Variants in MYO6 observed in about 807,000 individuals in gnomAD.
MYO6 encodes the protein unconventional myosin-VI.
MYO6 carries 74 observed loss-of-function variants against 178.7 expected under a neutral mutation model. The observed-to-expected ratio is 0.41, with a 90% confidence interval of 0.34 to 0.50. MYO6 has a LOEUF of 0.50. Among genes scored for constraint, MYO6 ranks in the 20% least tolerant of loss-of-function variants. The probability of loss-of-function intolerance (pLI) is 0.09; values close to 1 mark genes in which losing one functional copy is unlikely to be tolerated. For missense variants in MYO6, 1,330 were observed against 1,547.4 expected, an observed-to-expected ratio of 0.86 and a Z score of 2.36; for synonymous variants, 477 against 504.6, an observed-to-expected ratio of 0.95 and a Z score of 0.73.
At chr6:75,907,729 A>C (rs376110240) in intron 31 of MYO6, 21 bp downstream of exon 31, 2 of 1,575,144 alleles carry the variant, frequency 1.3e-6, no homozygotes, top group Admixed American at 3.3e-5. Flanking sequence ...GGAGAAGATC[A>C]AAAATAGAAA....
intron 9 of MYO6, among the ~76,000 whole-genome samples, chr6:75,842,739 A>G (rs548041030): frequency 6.6e-6 from 1 of 152,332 alleles, no homozygotes; most frequent in African/African-American, 2.4e-5. Flanking sequence ...ATTACATGAA[A>G]TATAATAATG....
intron 5 of MYO6, among the ~76,000 whole-genome samples, chr6:75,831,805 G>A (rs150263789): frequency 1.3e-5 from 2 of 151,658 alleles, no homozygotes; most frequent in African/African-American, 4.8e-5. Flanking sequence ...TGGGAAGATC[G>A]CTTGAGCTCA....
intron 9 of MYO6, among the ~76,000 whole-genome samples, chr6:75,841,687 C>T (rs1774243238): frequency 6.6e-6 from 1 of 152,142 alleles, no homozygotes; most frequent in African/African-American, 2.4e-5. Flanking sequence ...GAGCGAGACC[C>T]TATCTCAAAG....
At chr6:75,901,148 A>T (rs1031174242) in intron 30 of MYO6, among the ~76,000 whole-genome samples, 1 of 152,126 alleles carries the variant, frequency 6.6e-6, no homozygotes, top group Non-Finnish European at 1.5e-5. Context: ...CTTGTAGTAT[A>T]GTTTGAAGTC....
intron 1 of MYO6, among the ~76,000 whole-genome samples, chr6:75,769,355 A>C (rs976937989): frequency 6.6e-6 from 1 of 152,218 alleles, no homozygotes; most frequent in Admixed American, 6.5e-5. Context: ...TGAGCCTGTA[A>C]AATCAAAACA....
At chr6:75,805,694 AAAGT>A (rs1376681349) in intron 1 of MYO6, among the ~76,000 whole-genome samples, 3 of 152,334 alleles carry the variant, frequency 2.0e-5, no homozygotes, top group South Asian at 2.1e-4. Context: ...TTAAGTACTA[AAAGT>A]AAGATAATTT....
chr6:75,815,961 A>G (rs746737137), intron 1 of MYO6, among the ~76,000 whole-genome samples: 3 of 152,256 alleles, frequency 2.0e-5, no homozygotes, highest in Non-Finnish European at 4.4e-5. Context: ...ATCCAGGCTC[A>G]TTAAAACAAA....
chr6:75,906,531 C>T (rs1249472441), intron 30 of MYO6, among the ~76,000 whole-genome samples: 2 of 151,922 alleles, frequency 1.3e-5, no homozygotes, highest in Non-Finnish European at 2.9e-5. Context: ...TAAAAATTAG[C>T]CTGGCTTGTT....
At chr6:75,763,209 A>G (rs905294247) in intron 1 of MYO6, among the ~76,000 whole-genome samples, 1 of 151,662 alleles carries the variant, frequency 6.6e-6, no homozygotes, top group South Asian at 2.1e-4. Context: ...TTTTCTTAGT[A>G]GAGACGGGGT....
chr6:75,844,433 CTA>C (rs1774534477), intron 9 of MYO6, among the ~76,000 whole-genome samples: 1 of 152,032 alleles, frequency 6.6e-6, no homozygotes, highest in Non-Finnish European at 1.5e-5. Flanking sequence ...AAAACTGACT[CTA>C]AAAATCAAAA....
At chr6:75,908,064 A>T (rs751484114) in intron 31 of MYO6, among the ~76,000 whole-genome samples, 1 of 152,184 alleles carries the variant, frequency 6.6e-6, no homozygotes, top group Non-Finnish European at 1.5e-5. Context: ...CAAAAGTATC[A>T]TAATTGTACA....
chr6:75,827,815 G>T (rs116106785), intron 3 of MYO6, among the ~76,000 whole-genome samples: 2,414 of 152,272 alleles, frequency 0.016, 62 homozygotes, highest in African/African-American at 0.056. Flanking sequence ...GTTGACTAAG[G>T]TTTACAATTT....
At chr6:75,842,797 G>C (rs1583249428) in intron 9 of MYO6, among the ~76,000 whole-genome samples, 1 of 152,192 alleles carries the variant, frequency 6.6e-6, no homozygotes, top group Non-Finnish European at 1.5e-5. Flanking sequence ...TGATGTGACT[G>C]TTCTGGCCTT....
intron 6 of MYO6, among the ~76,000 whole-genome samples, chr6:75,833,425 TC>T (rs1773329776): frequency 6.6e-6 from 1 of 152,234 alleles, no homozygotes; most frequent in African/African-American, 2.4e-5. Context: ...AGAACTTTCA[TC>T]TTGGAAAACT....
intron 28 of MYO6, chr6:75,894,946 TA>T: frequency 1.3e-6 from 1 of 781,308 alleles, no homozygotes; most frequent in Non-Finnish European, 1.9e-6. Flanking sequence ...CCTAAAATTG[TA>T]AAATAATATC....
In MYO6 at chr6:75,857,164, C is replaced by A; in HGVS notation, c.1291C>A (p.Leu431Ile). 1 of 1,614,018 alleles carries A rather than the reference C, an allele frequency of 6.2e-7. No individual in the cohort carries two copies. The highest frequency in any genetic ancestry group is 8.5e-7 in the Non-Finnish European group (1 of 1,179,930). The change falls in exon 13 of 35, where the codon CTT becomes ATT. Residue 431 changes from leucine to isoleucine, a missense_variant. Leu to Ile is a conservative substitution (Grantham distance 5). Coordinates refer to ENST00000369977, the MANE Select transcript of MYO6 (RefSeq NM_004999.4). The stretch of plus-strand genomic sequence containing the variant: ...CCTGGCAAAGACAGTGTATAGCCAT[C>A]TTTTTGATCATGTGGTAAACAGAGT... ...DALAKTVYSH[L>I]FDHVVNRVNQ...
intron 1 of MYO6, among the ~76,000 whole-genome samples, chr6:75,777,552 C>G (rs9359139): frequency 0.26 from 39,392 of 151,670 alleles, 7,402 homozygotes; most frequent in African/African-American, 0.53. Context: ...CTCAGTCTCC[C>G]CAGTAGCTGG....
chr6:75,823,093 G>A (rs927904487), intron 3 of MYO6, among the ~76,000 whole-genome samples: 1 of 152,142 alleles, frequency 6.6e-6, no homozygotes, highest in Non-Finnish European at 1.5e-5. Context: ...GTGGGGAATG[G>A]TAATTACTGT....
intron 11 of MYO6, among the ~76,000 whole-genome samples, chr6:75,850,856 G>A (rs1420917899): frequency 4.0e-5 from 6 of 151,178 alleles, no homozygotes; most frequent in Non-Finnish European, 7.4e-5. Flanking sequence ...CTTTAAATGA[G>A]TAAGTACAAT....
Sources: gnomAD v4.1 joint callset for allele counts (sites outside exome capture counted in the v4.1 genomes callset) on GRCh38, gnomAD v4.1.1 for gene constraint, MANE v1.5 for transcripts, NCBI Gene and HGNC (gene_info 2026-07-23, HGNC 2026-07-21) for gene names.